CCR6: variants seen among roughly 807,000 people sequenced by gnomAD.
CCR6 encodes the protein C-C motif chemokine receptor 6, also known as C-C chemokine receptor type 6.
Under a neutral mutation model 3.0 loss-of-function variants are expected in CCR6, and 2 were observed. That is an observed-to-expected ratio of 0.66 (90% confidence interval 0.27 to 2.07). CCR6 has a LOEUF of 2.07. Among genes scored for constraint, CCR6 ranks in the 30% most tolerant of loss-of-function variants. The probability of loss-of-function intolerance (pLI) is 0.14; values close to 1 mark genes in which losing one functional copy is unlikely to be tolerated. For missense variants in CCR6, 322 were observed against 462.8 expected (o/e 0.70, Z 2.79); for synonymous variants, 193 against 184.3 (o/e 1.05, Z -0.38).
chr6:167,113,999 T>C (rs1157529272), intron 1 of CCR6, among the ~76,000 whole-genome samples: 1 of 152,210 alleles, frequency 6.6e-6, no homozygotes, highest in Admixed American at 6.5e-5. Context: ...TGAGATCTTA[T>C]GAGCAGAGAT....
intron 1 of CCR6, among the ~76,000 whole-genome samples, chr6:167,132,527 C>CTGTG (rs986265286): frequency 6.6e-6 from 1 of 150,778 alleles, no homozygotes; most frequent in African/African-American, 2.4e-5. Flanking sequence ...GTGTGTGTGT[C>CTGTG]TGTGTGTGTG....
In CCR6 at chr6:167,133,926, A is replaced by ATGTG. The variant is rs1255790825; in HGVS notation, c.-97-2108_-97-2105dup. Among the ~76,000 whole-genome samples, 119 of 66,734 alleles carry ATGTG rather than the reference A, an allele frequency of 1.8e-3. 2 individuals are homozygous for ATGTG. The highest frequency in any genetic ancestry group is 2.9e-3 in the African/African-American group (57 of 19,514). The allele number at this position is 66,734 out of a possible 152,430, so 43.8% of individuals were successfully genotyped here. ...TTATTGATACTATTATATATGATATATGTGTGTATATATATATATATATAT... is the reference window on the plus strand; with the variant it reads ...TTATTGATACTATTATATATGATATATGTGTGTGTGTATATATATATATATATAT... On this transcript the variant is annotated intron_variant, in intron 1 of 2. Coordinates refer to ENST00000341935, the MANE Select transcript of CCR6 (RefSeq NM_031409.4).
chr6:167,116,517 C>G (rs1376723978), intron 1 of CCR6, among the ~76,000 whole-genome samples: 1 of 152,234 alleles, frequency 6.6e-6, no homozygotes, highest in Non-Finnish European at 1.5e-5. Context: ...CCCAAGCCAC[C>G]TCCTCCCACC....
chr6:167,113,291 G>A (rs569991896), intron 1 of CCR6, among the ~76,000 whole-genome samples: 2 of 152,082 alleles, frequency 1.3e-5, no homozygotes, highest in African/African-American at 4.8e-5. Flanking sequence ...TTCTGATAAG[G>A]GGGGGCTGTT....
chr6:167,131,753 C>T (rs1232705279), intron 1 of CCR6, among the ~76,000 whole-genome samples: 6 of 152,206 alleles, frequency 3.9e-5, no homozygotes. Context: ...GCGGCAGATC[C>T]TTGCTGTGAC....
intron 1 of CCR6, 91 bp from the exon 2 acceptor site, chr6:167,135,947 C>T: frequency 1.5e-6 from 1 of 647,754 alleles, no homozygotes; most frequent in South Asian, 1.9e-5. Context: ...GCACTCTGTT[C>T]ACACGAGATG....
At chr6:167,117,605 T>C (rs6456160) in intron 1 of CCR6, among the ~76,000 whole-genome samples, 91,170 of 150,400 alleles carry the variant, frequency 0.61, 27,887 homozygotes, top group African/African-American at 0.68. Flanking sequence ...TTAGTAGAGA[T>C]GGGGTTTCAC....
chr6:167,116,697 CGCCTATGCCACCCCCTA>C (rs1048424277), intron 1 of CCR6: 4 of 152,402 alleles, frequency 2.6e-5, no homozygotes, highest in African/African-American at 9.6e-5. Flanking sequence ...CAGGGCTTCC[CGCCTATGCCACCCCCTA>C]GCAGAGAGGC....
At chr6:167,130,611 G>A (rs1157501316) in intron 1 of CCR6, among the ~76,000 whole-genome samples, 1 of 151,774 alleles carries the variant, frequency 6.6e-6, no homozygotes. Context: ...TTCAATGACT[G>A]TGGCTGGCAT....
chr6:167,120,699 T>A (rs1781572490), upstream of CCR6, among the ~76,000 whole-genome samples: 1 of 152,230 alleles, frequency 6.6e-6, no homozygotes, highest in Non-Finnish European at 1.5e-5. Context: ...CTTCTGATGT[T>A]GCTGTGGAAT....
At chr6:167,133,632 CA>C (rs1176663177) in intron 1 of CCR6, among the ~76,000 whole-genome samples, 49 of 140,918 alleles carry the variant, frequency 3.5e-4, no homozygotes, top group South Asian at 2.5e-3. Flanking sequence ...GTCAATTTCT[CA>C]AAAAAAAAAC....
intron 1 of CCR6, among the ~76,000 whole-genome samples, chr6:167,124,980 A>T (rs1468430088): frequency 6.6e-6 from 1 of 152,150 alleles, no homozygotes; most frequent in Non-Finnish European, 1.5e-5. Flanking sequence ...GTATACACAC[A>T]TGTGCACACC....
At chr6:167,125,594 G>A (rs563720405) in intron 1 of CCR6, among the ~76,000 whole-genome samples, 5 of 152,356 alleles carry the variant, frequency 3.3e-5, no homozygotes, top group African/African-American at 1.2e-4. Context: ...CTCTAAGGTA[G>A]AGGCACCGTT....
chr6:167,131,000 T>TCCACCCTC (rs1562559693), intron 1 of CCR6, among the ~76,000 whole-genome samples: 1 of 117,198 alleles, frequency 8.5e-6, no homozygotes, highest in Non-Finnish European at 1.8e-5. Flanking sequence ...CCCCCTCCCT[T>TCCACCCTC]TGGGACCCCT....
At chr6:167,133,993 T>G (rs1340452176) in intron 1 of CCR6, among the ~76,000 whole-genome samples, 1 of 136,234 alleles carries the variant, frequency 7.3e-6, no homozygotes, top group African/African-American at 2.9e-5. Context: ...AAATGGTAAT[T>G]CCAATTGGTG....
At chr6:167,121,897 T>G (rs1005728829), upstream of CCR6, among the ~76,000 whole-genome samples, 2 of 151,924 alleles carry the variant, frequency 1.3e-5, no homozygotes, top group African/African-American at 4.8e-5. Context: ...TTTTATCCAG[T>G]AAGGGGGAGC....
At chr6:167,124,649 C>T (rs1027630596) in intron 1 of CCR6, among the ~76,000 whole-genome samples, 7 of 152,158 alleles carry the variant, frequency 4.6e-5, no homozygotes, top group Non-Finnish European at 7.3e-5. Context: ...CACCAGTACT[C>T]ACAGTCCTAG....
At chr6:167,121,772 T>TA (rs1274423245), upstream of CCR6, among the ~76,000 whole-genome samples, 2 of 152,146 alleles carry the variant, frequency 1.3e-5, no homozygotes, top group Non-Finnish European at 2.9e-5. Flanking sequence ...AGCCAGGACT[T>TA]AGTCAGGAGA....
rs1781857404 is a variant in CCR6, at chr6:167,136,836, G to A, written c.606G>A (p.Gln202=). The A allele has an allele frequency of 3.7e-6, 6 of 1,614,046 alleles. No homozygotes were observed. In the South Asian group the frequency reaches 6.6e-5, roughly 18 times the overall value. The part of the protein sequence containing the change: ...QGSDVCEPKY[Q]TVSEPIRWKL... The stretch of plus-strand genomic sequence containing the variant: ...GCGATGTCTGTGAACCCAAGTACCA[G>A]ACTGTCTCGGAGCCCATCAGGTGGA... Residue 202 remains glutamine, a synonymous_variant, in exon 3 of 3, where the codon CAG becomes CAA. Transcript: ENST00000341935. This position sits in a 1 kb window ranked among gnomAD's most constrained non-coding sequence, Gnocchi z 4.6.
Sources: allele counts gnomAD v4.1 joint callset (sites outside exome capture counted in the v4.1 genomes callset), GRCh38; gene constraint gnomAD v4.1.1; non-coding constraint Gnocchi (gnomAD v3.1); transcripts MANE v1.5; gene names NCBI Gene and HGNC (gene_info 2026-07-23, HGNC 2026-07-21).